Variants in ARIH2 observed in about 807,000 individuals in gnomAD.
ARIH2 encodes the protein E3 ubiquitin-protein ligase ARIH2.
Under a neutral mutation model 79.8 loss-of-function variants are expected in ARIH2, and 12 were observed. The observed-to-expected ratio is 0.15, with a 90% CI of 0.10 to 0.24. The LOEUF (loss-of-function observed/expected upper bound fraction) is 0.24, where lower values mean the gene tolerates loss of function less well. Ranked by LOEUF, ARIH2 falls within the 10% of genes least tolerant of loss-of-function variation. ARIH2 has a pLI of 1.00. For synonymous variants in ARIH2, 224 were observed against 213.9 expected, an observed-to-expected ratio of 1.05 and a Z score of -0.41; for missense variants, 301 against 618.3, an observed-to-expected ratio of 0.49 and a Z score of 5.44.
At position 48,963,461 on chromosome 3, in the gene ARIH2, A is replaced by C. The variant is rs183165212; in HGVS notation, c.324-1458A>C. Reference sequence around the variant, plus strand: ...TAGGTAGAAATCACATAGATGAGACATAATTCTTTTCTGCTCCAATTCCTG... The same window carrying C: ...TAGGTAGAAATCACATAGATGAGACCTAATTCTTTTCTGCTCCAATTCCTG... On this transcript the variant is annotated intron_variant, in intron 4 of 15. Coordinates refer to ENST00000356401, the MANE Select transcript of ARIH2 (RefSeq NM_006321.4). 4.3e-4 allele frequency among the ~76,000 whole-genome samples: 65 copies of C among 152,358 alleles called. 1 individual carries two copies. Among genetic ancestry groups the C allele is most frequent in the Middle Eastern group, 6.8e-3 (2 of 294 alleles).
chr3:48,931,410 G>A (rs1166440804), intron 3 of ARIH2, among the ~76,000 whole-genome samples: 1 of 152,072 alleles, frequency 6.6e-6, no homozygotes, highest in African/African-American at 2.4e-5. Context: ...TTAGTCGGGT[G>A]TGGTGACACA....
At chr3:48,977,249 T>C (rs968874979) in intron 11 of ARIH2, among the ~76,000 whole-genome samples, 3 of 152,092 alleles carry the variant, frequency 2.0e-5, no homozygotes, top group African/African-American at 7.2e-5. Flanking sequence ...CTTTGCTGTA[T>C]GTTTTATACC....
intron 3 of ARIH2, among the ~76,000 whole-genome samples, chr3:48,936,120 C>T (rs2087077468): frequency 6.6e-6 from 1 of 152,068 alleles, no homozygotes; most frequent in African/African-American, 2.4e-5. Context: ...AATAGCACTA[C>T]TTAGTGTTTA....
chr3:48,934,378 C>G (rs1432123584), intron 3 of ARIH2: 1 of 957,240 alleles, frequency 1.0e-6, no homozygotes, highest in East Asian at 1.2e-4. Context: ...ATTTTAAGAT[C>G]ATTCTATTTT....
At chr3:48,933,130 G>A (rs1334327841) in intron 3 of ARIH2, among the ~76,000 whole-genome samples, 2 of 152,208 alleles carry the variant, frequency 1.3e-5, no homozygotes, top group African/African-American at 2.4e-5. Flanking sequence ...AGGTTGGAGT[G>A]CAGTGGCACG....
chr3:48,979,351 A>G lies in ARIH2; in HGVS notation c.962-131A>G, dbSNP rs1049165993. 3.3e-5 allele frequency: 30 copies of G among 895,794 alleles called. No homozygotes were observed. The Admixed American group carries it at 5.4e-4, about 16-fold the overall frequency. The allele number at this position is 895,794 out of a possible 1,614,324, so 55.5% of individuals were successfully genotyped here. A position where few individuals can be genotyped will look rare whatever the true frequency, so the allele number is the denominator to read the frequency against. On this transcript the variant is annotated intron_variant, in intron 11 of 15. Transcript: ENST00000356401. ...TGAGAGGTGCACATTCCTTCGGGAA[A>G]GAGGCACCCTTGGGAAGTTGTGTTC... is the stretch of plus-strand genomic sequence containing the variant.
Position 48,967,141 on chromosome 3 carries a change from C to A in ARIH2, c.404C>A (p.Pro135His), listed in dbSNP as rs566139192. 3.1e-6 allele frequency: 5 copies of A among 1,613,896 alleles called. No homozygotes were observed. Among genetic ancestry groups the A allele is most frequent in the Middle Eastern group, 1.7e-4 (1 of 6,060 alleles). ...NPSKHVPTSHPPHHCAVCMQF... is the reference protein window; with the variant it reads ...NPSKHVPTSHHPHHCAVCMQF... Reference sequence around the variant, plus strand: ...TCTCTCCAGGTTCCCACATCCCATCCCCCTCACCACTGTGCAGTGTGTATG... The same window carrying A: ...TCTCTCCAGGTTCCCACATCCCATCACCCTCACCACTGTGCAGTGTGTATG... Residue 135 changes from proline to histidine, a missense_variant, in exon 6 of 16, where the codon CCC becomes CAC. Pro to His is a moderately conservative substitution (Grantham distance 77). This residue lies in a region of ARIH2 where 223 missense variants were observed against 349.4 expected (regional missense o/e 0.64). Transcript: ENST00000356401.
intron 3 of ARIH2, among the ~76,000 whole-genome samples, chr3:48,940,309 G>A (rs2107203561): frequency 6.6e-6 from 1 of 152,300 alleles, no homozygotes; most frequent in East Asian, 1.9e-4. Flanking sequence ...GGTGGAGGTT[G>A]TGGTGAGCCC....
At chr3:48,974,770 C>T in intron 9 of ARIH2, 47 bp from the exon 10 acceptor site, 1 of 1,607,816 alleles carries the variant, frequency 6.2e-7, no homozygotes, top group African/African-American at 1.3e-5. Context: ...TGTCTTAAAA[C>T]CAACCTGGTG....
intron 11 of ARIH2, among the ~76,000 whole-genome samples, chr3:48,976,929 G>C (rs867194573): frequency 6.6e-6 from 1 of 150,940 alleles, no homozygotes; most frequent in Non-Finnish European, 1.5e-5. Context: ...GGCTGGGCGC[G>C]GTGGCTCACG....
intron 3 of ARIH2, among the ~76,000 whole-genome samples, chr3:48,946,043 G>T (rs2089082065): frequency 6.6e-6 from 1 of 152,148 alleles, no homozygotes. Context: ...AACACCCTTA[G>T]ACTGTGGAAG....
rs2107730978 is a variant in ARIH2 at position 48,985,810 on chromosome 3, C to T, written c.*2540C>T. On this transcript the variant is annotated 3_prime_UTR_variant, in exon 16 of 16. Coordinates refer to ENST00000356401, the MANE Select transcript of ARIH2 (RefSeq NM_006321.4). ...GTACAGGCTGAATCATTCCCCACCA[C>T]AGATAGATCCCAGGGTTGTGGTAGA... 1 of 152,346 alleles carries T rather than the reference C, an allele frequency of 6.6e-6. No homozygotes were observed. Among genetic ancestry groups the T allele is most frequent in the South Asian group, 2.1e-4 (1 of 4,830 alleles). The allele number at this position is 152,346 out of a possible 1,614,324, so 9.4% of individuals were successfully genotyped here. A position where few individuals can be genotyped will look rare whatever the true frequency, so the allele number is the denominator to read the frequency against.
At chr3:48,935,971 C>T (rs1342773465) in intron 3 of ARIH2, among the ~76,000 whole-genome samples, 1 of 152,102 alleles carries the variant, frequency 6.6e-6, no homozygotes, top group Non-Finnish European at 1.5e-5. Context: ...GTTCTCTTCT[C>T]CTGGGACCCA....
chr3:48,945,006 C>A, intron 3 of ARIH2: 3 of 714,988 alleles, frequency 4.2e-6, no homozygotes, highest in Non-Finnish European at 6.3e-6. Flanking sequence ...TGTTTGTTAA[C>A]AAAAGTGATT....
At chr3:48,919,265 T>G in intron 1 of ARIH2, 1 of 1,161,250 alleles carries the variant, frequency 8.6e-7, no homozygotes, top group Non-Finnish European at 1.1e-6. Context: ...CGCCGGCACA[T>G]CTAGGCCCTC....
At chr3:48,973,385 G>A (rs1042269787) in intron 8 of ARIH2, among the ~76,000 whole-genome samples, 2 of 152,172 alleles carry the variant, frequency 1.3e-5, no homozygotes, top group African/African-American at 2.4e-5. Flanking sequence ...AGACCATCCT[G>A]GCTAACACGG....
intron 3 of ARIH2, among the ~76,000 whole-genome samples, chr3:48,932,100 T>C (rs929331397): frequency 1.3e-5 from 2 of 152,186 alleles, no homozygotes; most frequent in African/African-American, 2.4e-5. Flanking sequence ...CTGTATATGT[T>C]CTGGGACCAG....
intron 3 of ARIH2, among the ~76,000 whole-genome samples, chr3:48,952,507 T>C (rs2090090734): frequency 6.6e-6 from 1 of 152,090 alleles, no homozygotes; most frequent in Non-Finnish European, 1.5e-5. Flanking sequence ...CTGAGGATGA[T>C]GGAGTGGAAG....
chr3:48,954,164 A>G (rs2090319809), intron 3 of ARIH2, among the ~76,000 whole-genome samples: 1 of 151,516 alleles, frequency 6.6e-6, no homozygotes, highest in Non-Finnish European at 1.5e-5. Flanking sequence ...TTGTCGCAAA[A>G]AAAAGAAAAG....
Sources: gnomAD v4.1 joint callset for allele counts (sites outside exome capture counted in the v4.1 genomes callset) on GRCh38, gnomAD v4.1.1 for gene constraint, gnomAD v4.1.1 regional missense constraint, MANE v1.5 for transcripts, NCBI Gene and HGNC (gene_info 2026-07-23, HGNC 2026-07-21) for gene names.